The following TAOK1 variants were observed in gnomAD, a reference collection of about 807,000 sequenced individuals.
The protein encoded by TAOK1 is TAO kinase 1.
In TAOK1, 21 loss-of-function variants were observed where a neutral mutation model predicts 138.3. The observed-to-expected ratio is 0.15, with a 90% CI of 0.11 to 0.22. The LOEUF (loss-of-function observed/expected upper bound fraction) is 0.22. TAOK1 is among the 10% of genes least tolerant of loss of function. TAOK1 has a pLI of 1.00. For synonymous variants in TAOK1, 361 were observed against 398.4 expected (o/e 0.91, Z 1.12); for missense variants, 651 against 1,227.7 (o/e 0.53, Z 7.02).
At chr17:29,476,361 T>C (rs542476442) in intron 4 of TAOK1, among the ~76,000 whole-genome samples, 1 of 152,322 alleles carries the variant, frequency 6.6e-6, no homozygotes, top group South Asian at 2.1e-4. Flanking sequence ...TTGGTGCATT[T>C]TTATCCAGTT....
At chr17:29,511,400 A>C (rs1177497728) in intron 15 of TAOK1, 1 of 152,216 alleles carries the variant, frequency 6.6e-6, no homozygotes, top group Non-Finnish European at 1.5e-5. Context: ...CACCCGGCAA[A>C]CATTTGGTAT....
chr17:29,436,291 G>A (rs888090385), intron 1 of TAOK1, among the ~76,000 whole-genome samples: 5 of 152,126 alleles, frequency 3.3e-5, no homozygotes, highest in East Asian at 1.9e-4. Context: ...ATTAAAGGCC[G>A]TAAATAGTTC....
chr17:29,541,527 G>A (rs1469717656), intron 19 of TAOK1, among the ~76,000 whole-genome samples: 1 of 151,512 alleles, frequency 6.6e-6, no homozygotes, highest in African/African-American at 2.4e-5. Flanking sequence ...CTCAATCCCA[G>A]CACTTTGGGA....
intron 1 of TAOK1, among the ~76,000 whole-genome samples, chr17:29,417,699 C>G (rs917516349): frequency 6.6e-6 from 1 of 152,196 alleles, no homozygotes; most frequent in Non-Finnish European, 1.5e-5. Flanking sequence ...TCTCCTTGGC[C>G]TGCTTTCTGG....
intron 16 of TAOK1, among the ~76,000 whole-genome samples, chr17:29,519,230 G>T (rs555056449): frequency 6.6e-6 from 1 of 152,202 alleles, no homozygotes; most frequent in South Asian, 2.1e-4. Flanking sequence ...GTTATTCTTG[G>T]CTGGGTGTGA....
intron 14 of TAOK1, among the ~76,000 whole-genome samples, chr17:29,509,706 C>G (rs2153029430): frequency 6.6e-6 from 1 of 151,154 alleles, no homozygotes; most frequent in Non-Finnish European, 1.5e-5. Flanking sequence ...CCAGCCTGGG[C>G]AACATGGGAA....
intron 3 of TAOK1, among the ~76,000 whole-genome samples, chr17:29,468,341 T>A (rs1299175213): frequency 6.6e-6 from 1 of 151,536 alleles, no homozygotes; most frequent in Admixed American, 6.6e-5. Flanking sequence ...TTCACCATGT[T>A]GGCCAGACTG....
chr17:29,466,227 T>A (rs2030664710), intron 2 of TAOK1, among the ~76,000 whole-genome samples: 1 of 152,214 alleles, frequency 6.6e-6, no homozygotes, highest in African/African-American at 2.4e-5. Context: ...CACTGCAGTC[T>A]CCGACTCCCA....
intron 1 of TAOK1, among the ~76,000 whole-genome samples, chr17:29,432,726 T>C (rs1157636787): frequency 1.3e-5 from 2 of 151,586 alleles, no homozygotes; most frequent in Non-Finnish European, 2.9e-5. Context: ...CCACCCACCT[T>C]GGCCTCCCAA....
intron 18 of TAOK1, 101 bp downstream of exon 18, chr17:29,530,720 TC>T: frequency 2.1e-6 from 2 of 971,580 alleles, no homozygotes; most frequent in Non-Finnish European, 3.2e-6. Context: ...AAATGATAGC[TC>T]TCCTGAAGCT....
rs1355359317 is a variant in TAOK1, at chr17:29,543,681, C to A, written c.*659C>A. 2 of 152,330 alleles carry A rather than the reference C, an allele frequency of 1.3e-5. No individual in the cohort carries two copies. Among genetic ancestry groups the A allele is most frequent in the East Asian group, 1.9e-4 (1 of 5,202 alleles). 9.4% of individuals were successfully genotyped at this position (152,330 alleles called of 1,614,324 possible). A position where few individuals can be genotyped will look rare whatever the true frequency, so the allele number is the denominator to read the frequency against. On this transcript the variant is annotated 3_prime_UTR_variant, in exon 20 of 20. Transcript: ENST00000261716. ...GAAATCCATGAACACTAAAGGACTT[C>A]ATTGATTTTTTCAGAGAGTAGAAAA... is the stretch of plus-strand genomic sequence containing the variant.
chr17:29,460,437 G>A (rs1477154928), intron 2 of TAOK1, among the ~76,000 whole-genome samples: 5 of 152,078 alleles, frequency 3.3e-5, no homozygotes, highest in African/African-American at 7.2e-5. Context: ...TGATCCACCC[G>A]CCTCGGCCTC....
At chr17:29,511,417 T>G (rs1360096187) in intron 15 of TAOK1, 2 of 152,588 alleles carry the variant, frequency 1.3e-5, no homozygotes, top group African/African-American at 4.8e-5. Flanking sequence ...GTATTTTTTT[T>G]AGTAGAGACG....
At chr17:29,411,805 T>C (rs1040530661) in intron 1 of TAOK1, among the ~76,000 whole-genome samples, 3 of 152,178 alleles carry the variant, frequency 2.0e-5, no homozygotes, top group African/African-American at 7.2e-5. Flanking sequence ...CCAATGTATC[T>C]ACTAAGATTA....
intron 15 of TAOK1, 25 bp from the exon 16 acceptor site, chr17:29,517,421 ATTTTTAC>A (rs1567741780): frequency 6.2e-7 from 1 of 1,609,536 alleles, no homozygotes. Flanking sequence ...TGCCAGGCCT[ATTTTTAC>A]CTGAGTTGTT....
At chr17:29,527,033 A>G (rs559050489) in intron 17 of TAOK1, among the ~76,000 whole-genome samples, 57 of 151,648 alleles carry the variant, frequency 3.8e-4, no homozygotes, top group Non-Finnish European at 6.9e-4. Context: ...GGCTGAGGCA[A>G]GAGAATCGCT....
chr17:29,432,021 C>T (rs746697286), intron 1 of TAOK1, among the ~76,000 whole-genome samples: 1 of 151,948 alleles, frequency 6.6e-6, no homozygotes, highest in Non-Finnish European at 1.5e-5. Context: ...GCTCCGTGTG[C>T]GGAGACCAGC....
intron 1 of TAOK1, among the ~76,000 whole-genome samples, chr17:29,405,841 C>G (rs1425014463): frequency 6.6e-6 from 1 of 152,120 alleles, no homozygotes; most frequent in Non-Finnish European, 1.5e-5. Flanking sequence ...AAGTAAGATT[C>G]AGCAATGACA....
chr17:29,498,863 T>G (rs1474408860), intron 12 of TAOK1, among the ~76,000 whole-genome samples: 1 of 151,592 alleles, frequency 6.6e-6, no homozygotes, highest in Non-Finnish European at 1.5e-5. Flanking sequence ...GAGGTGGAGG[T>G]TGCAGTGAGC....
Sources: allele counts gnomAD v4.1 joint callset (sites outside exome capture counted in the v4.1 genomes callset), GRCh38; gene constraint gnomAD v4.1.1; transcripts MANE v1.5; gene names NCBI Gene and HGNC (gene_info 2026-07-23, HGNC 2026-07-21).